FAM120A: variants seen among roughly 807,000 people sequenced by gnomAD.
The protein encoded by FAM120A is family with sequence similarity 120 member A.
In FAM120A, 15 loss-of-function variants were observed where a neutral mutation model predicts 109.7. That is an observed-to-expected ratio of 0.14 (90% CI 0.09 to 0.21). The LOEUF is 0.21. Ranked by LOEUF, FAM120A falls within the 10% of genes least tolerant of loss-of-function variation. FAM120A has a pLI of 1.00. For synonymous variants in FAM120A, 493 were observed against 572.8 expected (o/e 0.86, Z 1.99); for missense variants, 899 against 1,439.3 (o/e 0.62, Z 6.07).
chr9:93,453,103 G>T (rs1857356248), intron 1 of FAM120A: 1 of 1,048,642 alleles, frequency 9.5e-7, no homozygotes, highest in Non-Finnish European at 1.1e-6. Context: ...TGTGAAAGAG[G>T]TCTTTAAGGC....
At chr9:93,511,454 T>C (rs1040842623) in intron 5 of FAM120A, among the ~76,000 whole-genome samples, 20 of 152,316 alleles carry the variant, frequency 1.3e-4, no homozygotes, top group Non-Finnish European at 2.4e-4. Flanking sequence ...ACCGGCTCTG[T>C]GGGGCCTCCT....
intron 3 of FAM120A, among the ~76,000 whole-genome samples, chr9:93,484,712 T>A (rs1398990146): frequency 6.6e-6 from 1 of 152,198 alleles, no homozygotes; most frequent in Non-Finnish European, 1.5e-5. Context: ...TAGCTGGGAC[T>A]ACAGGCGTGT....
intron 1 of FAM120A, among the ~76,000 whole-genome samples, chr9:93,457,811 T>C (rs1399970994): frequency 6.6e-6 from 1 of 152,140 alleles, no homozygotes; most frequent in Non-Finnish European, 1.5e-5. Flanking sequence ...CCTTTTTTTT[T>C]TTTTTACTTT....
intron 3 of FAM120A, among the ~76,000 whole-genome samples, chr9:93,485,155 C>A (rs745447274): frequency 6.6e-6 from 1 of 152,088 alleles, no homozygotes; most frequent in African/African-American, 2.4e-5. Context: ...TGTTGTTGCA[C>A]GCTAACTGTA....
At chr9:93,510,533 C>T (rs1478780393) in intron 5 of FAM120A, among the ~76,000 whole-genome samples, 1 of 152,182 alleles carries the variant, frequency 6.6e-6, no homozygotes, top group Non-Finnish European at 1.5e-5. Flanking sequence ...TTGTGCTTTT[C>T]CAAAACCCAC....
chr9:93,545,726 C>T (rs1486229489), intron 11 of FAM120A, among the ~76,000 whole-genome samples: 1 of 148,582 alleles, frequency 6.7e-6, no homozygotes. Context: ...ACTTAAATCA[C>T]AGTGTGTCAG....
intron 3 of FAM120A, among the ~76,000 whole-genome samples, chr9:93,476,943 G>T (rs188612697): frequency 6.6e-6 from 1 of 152,306 alleles, no homozygotes; most frequent in East Asian, 1.9e-4. Context: ...GTGAGCATAG[G>T]AGTAATGAGT....
intron 10 of FAM120A, among the ~76,000 whole-genome samples, chr9:93,539,173 A>G (rs1408030247): frequency 1.3e-5 from 2 of 151,884 alleles, no homozygotes; most frequent in Admixed American, 6.6e-5. Context: ...AATTTTTTGT[A>G]TTTTTAGTAG....
Position 93,471,287 on chromosome 9 carries a change from G to T in FAM120A, c.621G>T (p.Arg207=). 1 of 1,614,102 alleles carries T rather than the reference G, an allele frequency of 6.2e-7. No individual in the cohort carries two copies. Among genetic ancestry groups the T allele is most frequent in the Non-Finnish European group, 8.5e-7 (1 of 1,180,030 alleles). ...GTGCCCATGCCCTAAAACTGAGCCG[G>T]AACGGGAAAAGTCTCACCACAAGCC... ...YFSAHALKLS[R]NGKSLTTSQY... Residue 207 remains arginine (R), a synonymous_variant, in exon 2 of 18, where the codon CGG becomes CGT. Transcript: ENST00000277165.
Position 93,558,615 on chromosome 9 carries a change from G to C in FAM120A, c.2703G>C (p.Thr901=). 6.2e-7 allele frequency: 1 copy of C among 1,614,198 alleles called. No homozygotes were observed. Among genetic ancestry groups the C allele is most frequent in the Non-Finnish European group, 8.5e-7 (1 of 1,180,024 alleles). Residue 901 remains threonine, a synonymous_variant, in exon 15 of 18, where the codon ACG becomes ACC. Coordinates refer to ENST00000277165, the MANE Select transcript of FAM120A (RefSeq NM_014612.5). The part of the protein sequence containing the change: ...VCGFGGPYGE[T]VATGPYRAFR... The stretch of plus-strand genomic sequence containing the variant: ...GCTTTGGAGGCCCCTATGGGGAAAC[G>C]GTAGCAACAGGCCCTTACCGTGCCT...
Position 93,516,181 on chromosome 9 carries a change from A to T in FAM120A, c.1330A>T (p.Ser444Cys). 6.2e-7 allele frequency: 1 copy of T among 1,614,000 alleles called. No individual in the cohort carries two copies. Among genetic ancestry groups the T allele is most frequent in the Admixed American group, 1.7e-5 (1 of 60,026 alleles). The change falls in exon 7 of 18, where the codon AGC becomes TGC. Residue 444 changes from serine to cysteine, a missense_variant. Ser to Cys is a moderately radical substitution (Grantham distance 112). Coordinates refer to ENST00000277165, the MANE Select transcript of FAM120A (RefSeq NM_014612.5). ...SSPINPAQSGSPNHVDSAYFP... is the reference protein window; with the variant it reads ...SSPINPAQSGCPNHVDSAYFP... Reference sequence around the variant, plus strand: ...GCCCATCAACCCGGCCCAGAGCGGCAGCCCCAACCACGTGGATTCCGCCTA... The same window carrying T: ...GCCCATCAACCCGGCCCAGAGCGGCTGCCCCAACCACGTGGATTCCGCCTA...
intron 1 of FAM120A, among the ~76,000 whole-genome samples, chr9:93,469,093 G>A (rs1040418056): frequency 6.6e-6 from 1 of 152,162 alleles, no homozygotes; most frequent in Admixed American, 6.5e-5. Flanking sequence ...TCCTGCCCAG[G>A]GCCAGCCCCT....
At chr9:93,543,595 T>C in intron 11 of FAM120A, 124 bp downstream of exon 11, 1 of 1,249,840 alleles carries the variant, frequency 8.0e-7, no homozygotes, top group South Asian at 1.6e-5. Flanking sequence ...TTGAAATTTA[T>C]TGTCATCCCA....
intron 14 of FAM120A, 111 bp from the exon 15 acceptor site, chr9:93,558,470 C>A (rs1027554748): frequency 7.4e-7 from 1 of 1,359,692 alleles, no homozygotes; most frequent in Non-Finnish European, 1.0e-6. Context: ...GGCCAGGAGA[C>A]CCCTCCATGG....
At chr9:93,541,860 G>A (rs1332115002) in intron 10 of FAM120A, among the ~76,000 whole-genome samples, 1 of 152,182 alleles carries the variant, frequency 6.6e-6, no homozygotes, top group Non-Finnish European at 1.5e-5. Flanking sequence ...GTCAGGTATT[G>A]AAATGTATTT....
chr9:93,543,373 G>A lies in FAM120A; in HGVS notation c.2061G>A (p.Arg687=). 6.2e-7 allele frequency: 1 copy of A among 1,614,230 alleles called. No homozygotes were observed. The highest frequency in any genetic ancestry group is 8.5e-7 in the Non-Finnish European group (1 of 1,180,048). The change falls in exon 11 of 18, where the codon AGG becomes AGA. Residue 687 remains arginine (R), a synonymous_variant. Transcript: ENST00000277165. ...AGGCGGTAGAGGACAAGAACCGCAG[G>A]ATGAGGGCCTTCCTGGCCTGCATGA... The part of the protein sequence containing the change: ...LGKAVEDKNR[R]MRAFLACMRS...
intron 3 of FAM120A, among the ~76,000 whole-genome samples, chr9:93,484,092 T>C (rs1207666113): frequency 1.3e-5 from 2 of 151,514 alleles, no homozygotes; most frequent in Admixed American, 6.6e-5. Flanking sequence ...CTGGATGGAG[T>C]GCAGTGGCTG....
At chr9:93,552,018 C>T (rs555413049) in intron 12 of FAM120A, among the ~76,000 whole-genome samples, 4 of 152,328 alleles carry the variant, frequency 2.6e-5, no homozygotes, top group African/African-American at 2.4e-5. Flanking sequence ...CCACCGTCTT[C>T]GTCACAGATT....
intron 3 of FAM120A, among the ~76,000 whole-genome samples, 172 bp downstream of exon 3, chr9:93,476,510 T>A (rs926508448): frequency 1.3e-5 from 2 of 152,216 alleles, no homozygotes; most frequent in African/African-American, 2.4e-5. Context: ...AATGCTACCA[T>A]CCCTTGTTCT....
Sources: allele counts gnomAD v4.1 joint callset (sites outside exome capture counted in the v4.1 genomes callset), GRCh38; gene constraint gnomAD v4.1.1; transcripts MANE v1.5; gene names NCBI Gene and HGNC (gene_info 2026-07-23, HGNC 2026-07-21).